The following ENTHD1 variants were observed in gnomAD, a reference collection of about 807,000 sequenced individuals.
The protein encoded by ENTHD1 is ENTH domain-containing protein 1.
ENTHD1 carries 23 observed loss-of-function variants against 39.1 expected under a neutral mutation model. The observed-to-expected ratio is 0.59, with a 90% CI of 0.42 to 0.83. The LOEUF is 0.83. Ranked by LOEUF, ENTHD1 falls within the 40% of genes least tolerant of loss-of-function variation. ENTHD1 has a pLI of 0.00. For synonymous variants in ENTHD1, 230 were observed against 258.2 expected (o/e 0.89, Z 1.05); for missense variants, 624 against 705.4 (o/e 0.88, Z 1.31).
At chr22:39,862,821 A>T (rs2066153660) in intron 2 of ENTHD1, among the ~76,000 whole-genome samples, 1 of 152,206 alleles carries the variant, frequency 6.6e-6, no homozygotes, top group South Asian at 2.1e-4. Context: ...AAATTCAAGT[A>T]CTGCCAATGT....
At chr22:39,878,571 ACATT>A (rs1373835126) in intron 2 of ENTHD1, among the ~76,000 whole-genome samples, 1 of 152,104 alleles carries the variant, frequency 6.6e-6, no homozygotes, top group African/African-American at 2.4e-5. Flanking sequence ...GATAAGAATT[ACATT>A]CAACTTCTCA....
intron 3 of ENTHD1, among the ~76,000 whole-genome samples, chr22:39,853,545 C>CA (rs1432582265): frequency 1.3e-5 from 2 of 151,584 alleles, no homozygotes; most frequent in East Asian, 3.9e-4. Flanking sequence ...CAAACAACAA[C>CA]AAAAAAAACC....
At chr22:39,877,606 C>T (rs944793311) in intron 2 of ENTHD1, among the ~76,000 whole-genome samples, 2 of 152,136 alleles carry the variant, frequency 1.3e-5, no homozygotes, top group African/African-American at 2.4e-5. Flanking sequence ...TTCAGGGCCT[C>T]CCTCACTTTT....
intron 4 of ENTHD1, among the ~76,000 whole-genome samples, chr22:39,832,066 C>T (rs953902425): frequency 6.6e-6 from 1 of 152,036 alleles, no homozygotes; most frequent in African/African-American, 2.4e-5. Flanking sequence ...GCCTGTAATC[C>T]CAGTGCTTTG....
chr22:39,754,078 A>G (rs957899483), intron 6 of ENTHD1, among the ~76,000 whole-genome samples: 1 of 152,060 alleles, frequency 6.6e-6, no homozygotes, highest in Non-Finnish European at 1.5e-5. Context: ...GGGTCAGCAA[A>G]CCATTTTTGT....
Position 39,887,571 on chromosome 22 carries a change from TG to T in ENTHD1, c.177del (p.His59GlnfsTer19). 6.2e-7 allele frequency: 1 copy of T among 1,614,242 alleles called. No individual in the cohort carries two copies. Among genetic ancestry groups the T allele is most frequent in the South Asian group, 1.1e-5 (1 of 91,084 alleles). Reference protein sequence around the residue: ...SLSEIMNMLWHRLNDHGKNWR... With the variant: ...SLSEIMNMLWXRLNDHGKNWR... ...CAGTTCTTCCCATGGTCATTGAGTC[TG>T]TGCCACAGCATATTCATAATCTCTG... is the stretch of plus-strand genomic sequence containing the variant. On this transcript the variant is annotated frameshift_variant, in exon 2 of 7. Transcript: ENST00000325157. LOFTEE classifies it high-confidence loss of function.
At chr22:39,768,841 G>C (rs1173208972) in intron 5 of ENTHD1, among the ~76,000 whole-genome samples, 2 of 152,046 alleles carry the variant, frequency 1.3e-5, no homozygotes, top group Admixed American at 1.3e-4. Flanking sequence ...AGTACCCACT[G>C]TTTGTACTGA....
At chr22:39,839,851 G>C (rs1042959676) in intron 3 of ENTHD1, among the ~76,000 whole-genome samples, 1 of 152,216 alleles carries the variant, frequency 6.6e-6, no homozygotes, top group Non-Finnish European at 1.5e-5. Flanking sequence ...CTGAAGAATA[G>C]CAAGAAATGT....
rs182664861 is a variant in ENTHD1, at chr22:39,887,361, C to G, written c.349+39G>C. 94 of 1,516,770 alleles carry G rather than the reference C, an allele frequency of 6.2e-5. 1 individual carries two copies. In the East Asian group the frequency reaches 1.8e-3, roughly 29 times the overall value. The allele number at this position is 1,516,770 out of a possible 1,614,324, so 94.0% of individuals were successfully genotyped here. On this transcript the variant is annotated intron_variant, in intron 2 of 6. Transcript: ENST00000325157. ...CATGCACCAGGATTACCGGTGTACA[C>G]CACCACACCCAGCTTATATAAACTT...
intron 3 of ENTHD1, among the ~76,000 whole-genome samples, chr22:39,858,813 T>C (rs2066116574): frequency 6.6e-6 from 1 of 152,218 alleles, no homozygotes; most frequent in Non-Finnish European, 1.5e-5. Context: ...AAAGGAGCAG[T>C]TGGCTTCAAC....
At chr22:39,790,769 A>G (rs2065497577) in intron 5 of ENTHD1, among the ~76,000 whole-genome samples, 1 of 152,184 alleles carries the variant, frequency 6.6e-6, no homozygotes, top group South Asian at 2.1e-4. Context: ...CAGGGAACCT[A>G]TTTCAAAGCC....
intron 3 of ENTHD1, among the ~76,000 whole-genome samples, chr22:39,847,208 T>G (rs945969254): frequency 1.3e-5 from 2 of 152,090 alleles, no homozygotes; most frequent in Non-Finnish European, 2.9e-5. Context: ...GATGAGTTCA[T>G]GTCCTTTGTT....
chr22:39,825,261 T>C (rs960138789), intron 4 of ENTHD1, among the ~76,000 whole-genome samples: 2 of 152,238 alleles, frequency 1.3e-5, no homozygotes, highest in African/African-American at 2.4e-5. Context: ...ATTGTCTTAA[T>C]TTAAGTTTCC....
chr22:39,807,644 C>G (rs1162165626), intron 5 of ENTHD1, among the ~76,000 whole-genome samples: 1 of 152,024 alleles, frequency 6.6e-6, no homozygotes, highest in African/African-American at 2.4e-5. Flanking sequence ...GCCTGAGATT[C>G]TCTTCTCTCC....
At chr22:39,823,543 T>C (rs958364692) in intron 4 of ENTHD1, among the ~76,000 whole-genome samples, 3 of 151,840 alleles carry the variant, frequency 2.0e-5, no homozygotes, top group Non-Finnish European at 2.9e-5. Context: ...TTAGAAATGA[T>C]GTTTAGCCAT....
At chr22:39,871,121 G>C (rs2066239020) in intron 2 of ENTHD1, among the ~76,000 whole-genome samples, 1 of 151,522 alleles carries the variant, frequency 6.6e-6, no homozygotes, top group Admixed American at 6.6e-5. Context: ...AGTGAGCTGT[G>C]ATCACACCAT....
chr22:39,791,579 T>C (rs1340388640), intron 5 of ENTHD1, among the ~76,000 whole-genome samples: 2 of 151,756 alleles, frequency 1.3e-5, no homozygotes, highest in African/African-American at 4.8e-5. Flanking sequence ...TGTATTTTTA[T>C]TAGAGACGGG....
chr22:39,849,496 A>G (rs981170594), intron 3 of ENTHD1, among the ~76,000 whole-genome samples: 2 of 152,206 alleles, frequency 1.3e-5, no homozygotes, highest in African/African-American at 4.8e-5. Flanking sequence ...AAATCTAGAC[A>G]ATTTGGAGAG....
chr22:39,831,455 C>G (rs2065868268), intron 4 of ENTHD1, among the ~76,000 whole-genome samples: 1 of 152,076 alleles, frequency 6.6e-6, no homozygotes, highest in African/African-American at 2.4e-5. Context: ...TTGAGCTACT[C>G]AAGATGAGCT....
Sources: allele counts gnomAD v4.1 joint callset (sites outside exome capture counted in the v4.1 genomes callset), GRCh38; gene constraint gnomAD v4.1.1; transcripts MANE v1.5; gene names NCBI Gene and HGNC (gene_info 2026-07-23, HGNC 2026-07-21).